Variants in ARHGAP24 observed in about 807,000 individuals in gnomAD.
ARHGAP24 encodes the protein rho GTPase-activating protein 24.
Under a neutral mutation model 76.4 loss-of-function variants are expected in ARHGAP24, and 50 were observed. The ratio of observed to expected loss-of-function variants is 0.65; its 90% CI spans 0.52 to 0.83. The LOEUF (loss-of-function observed/expected upper bound fraction) is 0.83. ARHGAP24 is among the 40% of genes least tolerant of loss of function. ARHGAP24 has a pLI of 0.00. For missense variants in ARHGAP24, 930 were observed against 914.2 expected, an observed-to-expected ratio of 1.02 and a Z score of -0.22; for synonymous variants, 345 against 323.3, an observed-to-expected ratio of 1.07 and a Z score of -0.72.
chr4:85,978,058 T>A (rs1739441516), intron 8 of ARHGAP24, among the ~76,000 whole-genome samples: 1 of 152,242 alleles, frequency 6.6e-6, no homozygotes, highest in Non-Finnish European at 1.5e-5. Context: ...TTTATTAATT[T>A]TGATTTTATT....
rs1397151360 is a variant in ARHGAP24 at position 85,650,581 on chromosome 4, T to C, written c.181-71304T>C. 2.0e-5 allele frequency among the ~76,000 whole-genome samples: 3 copies of C among 149,628 alleles called. 1 individual carries two copies. Among genetic ancestry groups the C allele is most frequent in the African/African-American group, 7.7e-5 (3 of 38,986 alleles). The stretch of plus-strand genomic sequence containing the variant: ...AATACTTAGAACAGTTCTTGTTTCC[T>C]GTAGTAAGCCCTATATAAGCACTTG... On this transcript the variant is annotated intron_variant, in intron 2 of 9. Transcript: ENST00000395184.
chr4:85,811,674 T>C (rs1176399514), intron 3 of ARHGAP24, among the ~76,000 whole-genome samples: 1 of 152,248 alleles, frequency 6.6e-6, no homozygotes, highest in East Asian at 1.9e-4. Flanking sequence ...TAATTATTTA[T>C]AGATTGGAGA....
intron 3 of ARHGAP24, among the ~76,000 whole-genome samples, chr4:85,845,967 G>T (rs1011019699): frequency 1.8e-4 from 27 of 151,858 alleles, no homozygotes; most frequent in Non-Finnish European, 4.4e-5. Context: ...GTGCAATGGC[G>T]CGATCTCGGC....
Position 85,942,012 on chromosome 4 carries a change from A to G in ARHGAP24, c.392-54A>G, listed in dbSNP as rs994639665. On this transcript the variant is annotated intron_variant, in intron 4 of 9. Transcript: ENST00000395184. ...ATATTGAATTAAAACAACAACAACAACAAAGTGGGAAGAGATAAATTTCCC... is the reference window on the plus strand; with the variant it reads ...ATATTGAATTAAAACAACAACAACAGCAAAGTGGGAAGAGATAAATTTCCC... 1.2e-5 allele frequency: 18 copies of G among 1,560,630 alleles called. No homozygotes were observed. The African/African-American group carries it at 2.0e-4, about 18-fold the overall frequency.
intron 1 of ARHGAP24, among the ~76,000 whole-genome samples, chr4:85,557,356 C>T (rs1207064810): frequency 6.6e-6 from 1 of 152,210 alleles, no homozygotes; most frequent in East Asian, 1.9e-4. Context: ...TCCAAGGCTC[C>T]CAGGACTCCA....
intron 2 of ARHGAP24, among the ~76,000 whole-genome samples, chr4:85,642,053 G>A (rs61255139): frequency 0.26 from 40,219 of 151,996 alleles, 7,447 homozygotes; most frequent in East Asian, 0.84. Context: ...CATCATAGGT[G>A]TGGGGCAGGA....
chr4:85,542,796 C>G (rs1019388889), intron 1 of ARHGAP24, among the ~76,000 whole-genome samples: 1 of 152,090 alleles, frequency 6.6e-6, no homozygotes, highest in Non-Finnish European at 1.5e-5. Context: ...ATTTTGGAAC[C>G]AAACTGCTTG....
At chr4:85,680,129 A>G (rs769626249) in intron 2 of ARHGAP24, among the ~76,000 whole-genome samples, 5 of 152,144 alleles carry the variant, frequency 3.3e-5, no homozygotes, top group Non-Finnish European at 7.4e-5. Context: ...ATATCATCCA[A>G]TCACAGTCAT....
intron 3 of ARHGAP24, among the ~76,000 whole-genome samples, chr4:85,813,222 G>A (rs1385252883): frequency 6.6e-6 from 1 of 152,156 alleles, no homozygotes; most frequent in Non-Finnish European, 1.5e-5. Flanking sequence ...ATACCTCAGT[G>A]CACCCAGCAT....
At chr4:85,642,580 A>C (rs1266372594) in intron 2 of ARHGAP24, among the ~76,000 whole-genome samples, 1 of 151,712 alleles carries the variant, frequency 6.6e-6, no homozygotes. Flanking sequence ...TCTTTCTCTC[A>C]CAATAGCTCA....
At chr4:85,595,697 C>G (rs1719804654) in intron 2 of ARHGAP24, among the ~76,000 whole-genome samples, 1 of 151,940 alleles carries the variant, frequency 6.6e-6, no homozygotes, top group Admixed American at 6.6e-5. Flanking sequence ...AAACAAGCTT[C>G]CCAGGATGAT....
chr4:85,770,872 A>G (rs1305400297), intron 3 of ARHGAP24, among the ~76,000 whole-genome samples: 1 of 152,196 alleles, frequency 6.6e-6, no homozygotes, highest in Non-Finnish European at 1.5e-5. Context: ...GAATGTCCTC[A>G]CCTCAGAGAA....
intron 3 of ARHGAP24, among the ~76,000 whole-genome samples, chr4:85,845,609 G>A (rs564665919): frequency 1.3e-5 from 2 of 151,704 alleles, no homozygotes; most frequent in East Asian, 3.9e-4. Context: ...TTTTGCTTAC[G>A]CACACTTAAG....
intron 3 of ARHGAP24, among the ~76,000 whole-genome samples, chr4:85,822,451 A>C (rs1165085612): frequency 6.6e-6 from 1 of 152,184 alleles, no homozygotes; most frequent in African/African-American, 2.4e-5. Context: ...ATTATTTACC[A>C]GCTGTCTCCT....
chr4:85,972,021 C>T lies in ARHGAP24; in HGVS notation c.600-15C>T. 6.2e-7 allele frequency: 1 copy of T among 1,614,002 alleles called. No homozygotes were observed. Among genetic ancestry groups the T allele is most frequent in the South Asian group, 1.1e-5 (1 of 91,064 alleles). On this transcript the variant is annotated splice_polypyrimidine_tract_variant and intron_variant, in intron 5 of 9. Coordinates refer to ENST00000395184, the MANE Select transcript of ARHGAP24 (RefSeq NM_001025616.3). ...GTTTACTCCAAAGAATATCTTCACA[C>T]TTCTGTCTCCACAGCAACACAGATG...
At chr4:85,531,687 T>C (rs1348330543) in intron 1 of ARHGAP24, among the ~76,000 whole-genome samples, 3 of 152,112 alleles carry the variant, frequency 2.0e-5, no homozygotes, top group Admixed American at 2.0e-4. Context: ...CCCATATTTA[T>C]GGTTTATTTT....
intron 3 of ARHGAP24, among the ~76,000 whole-genome samples, chr4:85,908,525 AAG>A (rs1734896376): frequency 6.6e-6 from 1 of 152,220 alleles, no homozygotes; most frequent in South Asian, 2.1e-4. Flanking sequence ...TGTAATTTGA[AAG>A]GTACACATAT....
chr4:85,553,927 A>C (rs550144086), intron 1 of ARHGAP24, among the ~76,000 whole-genome samples: 8 of 152,122 alleles, frequency 5.3e-5, no homozygotes, highest in Admixed American at 1.3e-4. Context: ...AGTTTACTTA[A>C]GTGTGTTTTT....
chr4:85,626,652 A>G (rs1367155840), intron 2 of ARHGAP24, among the ~76,000 whole-genome samples: 1 of 152,142 alleles, frequency 6.6e-6, no homozygotes, highest in African/African-American at 2.4e-5. Flanking sequence ...GTTCTCCTGG[A>G]TAATATCCTG....
Sources: allele counts gnomAD v4.1 joint callset (sites outside exome capture counted in the v4.1 genomes callset), GRCh38; gene constraint gnomAD v4.1.1; transcripts MANE v1.5; gene names NCBI Gene and HGNC (gene_info 2026-07-23, HGNC 2026-07-21).